Variants in RUNDC3B observed in about 807,000 individuals in gnomAD.
RUNDC3B encodes the protein RUN domain containing 3B, also known as RUN domain-containing protein 3B.
A neutral mutation model predicts 58.4 loss-of-function variants in RUNDC3B; 33 were observed. The observed-to-expected ratio is 0.56, with a 90% CI of 0.43 to 0.75. The LOEUF (loss-of-function observed/expected upper bound fraction) is 0.75. Ranked by LOEUF, RUNDC3B falls within the 30% of genes least tolerant of loss-of-function variation. The pLI, the probability that RUNDC3B is intolerant of heterozygous loss-of-function variation, is 0.00. For synonymous variants in RUNDC3B, 193 were observed against 195.2 expected, an observed-to-expected ratio of 0.99 and a Z score of 0.10; for missense variants, 501 against 535.7, an observed-to-expected ratio of 0.94 and a Z score of 0.64.
At chr7:87,638,375 G>GTT (rs1018818657) in intron 1 of RUNDC3B, among the ~76,000 whole-genome samples, 16 of 151,580 alleles carry the variant, frequency 1.1e-4, no homozygotes, top group South Asian at 6.3e-4. Flanking sequence ...GTGTGTGTGT[G>GTT]TGTGTTTCCT....
At chr7:87,634,330 T>A (rs1309269561) in intron 1 of RUNDC3B, among the ~76,000 whole-genome samples, 4 of 152,060 alleles carry the variant, frequency 2.6e-5, no homozygotes, top group Non-Finnish European at 4.4e-5. Flanking sequence ...TAAAGAACTT[T>A]AAATTTGTTG....
intron 4 of RUNDC3B, among the ~76,000 whole-genome samples, chr7:87,736,898 T>A (rs1320079093): frequency 4.6e-4 from 50 of 108,710 alleles, no homozygotes; most frequent in Non-Finnish European, 8.0e-4. Context: ...TATTTTTTTT[T>A]TTTTTTTTTT....
chr7:87,744,222 G>A (rs1335965717), intron 6 of RUNDC3B, among the ~76,000 whole-genome samples: 1 of 152,164 alleles, frequency 6.6e-6, no homozygotes, highest in Non-Finnish European at 1.5e-5. Context: ...GGGCCATATA[G>A]TATAGTTTGA....
chr7:87,815,965 G>A (rs1428634105), intron 9 of RUNDC3B, among the ~76,000 whole-genome samples, 176 bp from the exon 10 acceptor site: 1 of 151,918 alleles, frequency 6.6e-6, no homozygotes, highest in Non-Finnish European at 1.5e-5. Flanking sequence ...CTTGAAAGAT[G>A]ATAGAAAGTA....
chr7:87,764,955 T>C (rs960161415), intron 6 of RUNDC3B, among the ~76,000 whole-genome samples: 1 of 151,758 alleles, frequency 6.6e-6, no homozygotes, highest in Non-Finnish European at 1.5e-5. Context: ...GTTGGGAGAT[T>C]TTTTTTAATT....
intron 4 of RUNDC3B, among the ~76,000 whole-genome samples, chr7:87,735,510 G>C (rs1831873207): frequency 6.6e-6 from 1 of 152,178 alleles, no homozygotes; most frequent in Admixed American, 6.5e-5. Flanking sequence ...ATTTCCTGGA[G>C]TCAGATCCTG....
intron 8 of RUNDC3B, among the ~76,000 whole-genome samples, chr7:87,796,277 T>C (rs1268693580): frequency 6.6e-6 from 1 of 151,944 alleles, no homozygotes; most frequent in Non-Finnish European, 1.5e-5. Flanking sequence ...CTAATGGACA[T>C]AGGGAGTAGG....
chr7:87,722,576 G>T (rs1830967624), intron 4 of RUNDC3B, among the ~76,000 whole-genome samples: 1 of 152,134 alleles, frequency 6.6e-6, no homozygotes, highest in Non-Finnish European at 1.5e-5. Flanking sequence ...ATTAGCAGAG[G>T]GAAGAATGTG....
At chr7:87,667,967 CAG>C (rs1225971197) in intron 2 of RUNDC3B, among the ~76,000 whole-genome samples, 1 of 151,924 alleles carries the variant, frequency 6.6e-6, no homozygotes, top group Non-Finnish European at 1.5e-5. Flanking sequence ...GTGTCTCTTC[CAG>C]GTTTGGGTAT....
intron 2 of RUNDC3B, among the ~76,000 whole-genome samples, chr7:87,651,911 T>G (rs893525221): frequency 1.3e-5 from 2 of 152,164 alleles, no homozygotes; most frequent in African/African-American, 4.8e-5. Flanking sequence ...CTAATGCTTT[T>G]TTCTGTTAAA....
At chr7:87,761,003 G>A in intron 6 of RUNDC3B, among the ~76,000 whole-genome samples, 1 of 151,886 alleles carries the variant, frequency 6.6e-6, no homozygotes, top group East Asian at 1.9e-4. Flanking sequence ...TTTAAAACTT[G>A]CATTATCAAA....
intron 2 of RUNDC3B, among the ~76,000 whole-genome samples, chr7:87,681,141 G>A (rs1330051069): frequency 6.6e-6 from 1 of 150,502 alleles, no homozygotes; most frequent in Non-Finnish European, 1.5e-5. Flanking sequence ...TCATAAAGAA[G>A]TAGATAACAC....
intron 6 of RUNDC3B, among the ~76,000 whole-genome samples, chr7:87,762,753 CTA>C (rs1464999989): frequency 6.6e-6 from 1 of 151,272 alleles, no homozygotes; most frequent in African/African-American, 2.4e-5. Flanking sequence ...ACAAGCTGTA[CTA>C]TGATTCCAGA....
chr7:87,631,837 G>T (rs977822043), intron 1 of RUNDC3B, among the ~76,000 whole-genome samples: 5 of 151,956 alleles, frequency 3.3e-5, no homozygotes, highest in Admixed American at 6.6e-5. Flanking sequence ...CTTTCCATTT[G>T]TTCATTTTTG....
At chr7:87,732,296 A>G (rs1398752772) in intron 4 of RUNDC3B, among the ~76,000 whole-genome samples, 3 of 152,170 alleles carry the variant, frequency 2.0e-5, no homozygotes, top group African/African-American at 4.8e-5. Context: ...GCTTCAATCA[A>G]AAAAGTAGAA....
intron 7 of RUNDC3B, among the ~76,000 whole-genome samples, chr7:87,773,733 A>C (rs568454399): frequency 6.6e-6 from 1 of 151,922 alleles, no homozygotes; most frequent in Admixed American, 6.6e-5. Context: ...GCTGGAGTGC[A>C]GTGGCGCGAT....
Position 87,726,356 on chromosome 7 carries a change from C to T in RUNDC3B, c.459-13435C>T, listed in dbSNP as rs193209189. 3.4e-3 allele frequency among the ~76,000 whole-genome samples: 513 copies of T among 152,278 alleles called. 4 individuals carry two copies. Among genetic ancestry groups the T allele is most frequent in the Non-Finnish European group, 6.0e-3 (405 of 68,020 alleles). ...CCATTTATTAAATAGGGAATCCTTT[C>T]CCCATTGCTGGTTTTTGTCAGGTTC... On this transcript the variant is annotated intron_variant, in intron 4 of 10. Coordinates refer to ENST00000394654, the MANE Select transcript of RUNDC3B (RefSeq NM_001134405.2).
chr7:87,739,752 T>G (rs769902491), intron 4 of RUNDC3B, 39 bp from the exon 5 acceptor site: 8 of 954,392 alleles, frequency 8.4e-6, no homozygotes, highest in African/African-American at 8.3e-5. Context: ...CTTCCATTTA[T>G]TTTTAATATT....
rs982053872 is a variant in RUNDC3B at position 87,760,919 on chromosome 7, G to A, written c.630-9662G>A. On this transcript the variant is annotated intron_variant, in intron 6 of 10. Coordinates refer to ENST00000394654, the MANE Select transcript of RUNDC3B (RefSeq NM_001134405.2). ...TAAATTTTTCATAACCCTGAGTTAG[G>A]CAATTGTTTTTTAATATGACACCAA... Among the ~76,000 whole-genome samples, 5 of 151,764 alleles carry A rather than the reference G, an allele frequency of 3.3e-5. No homozygotes were observed. In the East Asian group the frequency reaches 9.6e-4, roughly 29 times the overall value.
Sources: allele counts gnomAD v4.1 joint callset (sites outside exome capture counted in the v4.1 genomes callset), GRCh38; gene constraint gnomAD v4.1.1; transcripts MANE v1.5; gene names NCBI Gene and HGNC (gene_info 2026-07-23, HGNC 2026-07-21).